The following EXOC6B variants were observed in gnomAD, a reference collection of about 807,000 sequenced individuals.
EXOC6B encodes the protein exocyst complex component 6B.
Under a neutral mutation model 113.5 loss-of-function variants are expected in EXOC6B, and 54 were observed. The ratio of observed to expected loss-of-function variants is 0.48; its 90% CI spans 0.38 to 0.60. The LOEUF (loss-of-function observed/expected upper bound fraction) is 0.60. Among genes scored for constraint, EXOC6B ranks in the 20% least tolerant of loss-of-function variants. The probability of loss-of-function intolerance (pLI) is 0.00; values close to 1 mark genes in which losing one functional copy is unlikely to be tolerated. For missense variants in EXOC6B, 797 were observed against 977.5 expected (o/e 0.82, Z 2.46); for synonymous variants, 357 against 339.0 (o/e 1.05, Z -0.58).
chr2:72,655,749 C>G (rs371968822), intron 6 of EXOC6B, among the ~76,000 whole-genome samples: 1 of 152,016 alleles, frequency 6.6e-6, no homozygotes, highest in Non-Finnish European at 1.5e-5. Flanking sequence ...ACCAAAATTA[C>G]AAATTGCACT....
At chr2:72,808,447 A>G (rs1213296548) in intron 1 of EXOC6B, among the ~76,000 whole-genome samples, 3 of 152,130 alleles carry the variant, frequency 2.0e-5, no homozygotes, top group Admixed American at 2.0e-4. Context: ...CACAAACTAT[A>G]CTAAAAAGTA....
At chr2:72,494,448 A>G (rs1699926939) in intron 15 of EXOC6B, among the ~76,000 whole-genome samples, 1 of 152,132 alleles carries the variant, frequency 6.6e-6, no homozygotes, top group Non-Finnish European at 1.5e-5. Context: ...TTCAGAGAAA[A>G]TGACAAATTA....
At position 72,526,553 on chromosome 2, in the gene EXOC6B, C is replaced by A. The variant is rs998357465; in HGVS notation, c.916-11427G>T. Among the ~76,000 whole-genome samples the A allele has an allele frequency of 4.0e-5, 6 of 151,886 alleles. No individual in the cohort carries two copies. The South Asian group carries it at 1.2e-3, about 31-fold the overall frequency. The stretch of plus-strand genomic sequence containing the variant: ...CTACACATACACACACAAAAATAGC[C>A]TTTTGTATAGTTAAGTGAGGGTTGG... On this transcript the variant is annotated intron_variant, in intron 8 of 21. Coordinates refer to ENST00000272427, the MANE Select transcript of EXOC6B (RefSeq NM_015189.3).
At chr2:72,592,538 C>T (rs916334707) in intron 6 of EXOC6B, among the ~76,000 whole-genome samples, 2 of 152,122 alleles carry the variant, frequency 1.3e-5, no homozygotes, top group Non-Finnish European at 2.9e-5. Context: ...TAATACTGTC[C>T]ACTGGTGTCT....
At chr2:72,770,321 C>T in intron 1 of EXOC6B, among the ~76,000 whole-genome samples, 1 of 151,972 alleles carries the variant, frequency 6.6e-6, no homozygotes, top group East Asian at 1.9e-4. Flanking sequence ...ATACCAGTAA[C>T]TGTGAGCCAA....
intron 6 of EXOC6B, among the ~76,000 whole-genome samples, chr2:72,619,736 AG>A (rs1453173616): frequency 2.0e-5 from 3 of 152,204 alleles, no homozygotes. Flanking sequence ...AGGGTAAGTG[AG>A]GGAACTGAGG....
chr2:72,534,378 G>A (rs1208545201), intron 8 of EXOC6B, among the ~76,000 whole-genome samples: 1 of 152,016 alleles, frequency 6.6e-6, no homozygotes, highest in East Asian at 1.9e-4. Context: ...GGCCACAGGG[G>A]ATAAGTACTT....
intron 8 of EXOC6B, among the ~76,000 whole-genome samples, chr2:72,558,845 A>G (rs1453253151): frequency 6.6e-6 from 1 of 152,158 alleles, no homozygotes; most frequent in Non-Finnish European, 1.5e-5. Context: ...ATACTTGAAC[A>G]TATTAAAAAC....
chr2:72,412,264 G>T (rs1170435457), intron 18 of EXOC6B, among the ~76,000 whole-genome samples: 1 of 152,178 alleles, frequency 6.6e-6, no homozygotes, highest in African/African-American at 2.4e-5. Flanking sequence ...ATCTGTTATA[G>T]GCTGAAGGAA....
chr2:72,483,468 GA>G lies in EXOC6B; in HGVS notation c.1666-2719del, dbSNP rs1051062954. On this transcript the variant is annotated intron_variant, in intron 16 of 21. Transcript: ENST00000272427. ...GTTTTACATGATATTGGCAGTTAAA[GA>G]AAAAAAAGGGAGGTGGCTTCACTGG... Among the ~76,000 whole-genome samples the G allele has an allele frequency of 4.6e-5, 7 of 151,788 alleles. No homozygotes were observed. In the East Asian group the frequency reaches 5.8e-4, roughly 13 times the overall value.
intron 1 of EXOC6B, among the ~76,000 whole-genome samples, chr2:72,763,378 T>C (rs1235121860): frequency 1.3e-5 from 2 of 152,120 alleles, no homozygotes; most frequent in Non-Finnish European, 2.9e-5. Context: ...TTGAGCTTCT[T>C]GAATTTCCAT....
chr2:72,349,325 C>G (rs534567417), intron 19 of EXOC6B, among the ~76,000 whole-genome samples: 3 of 152,186 alleles, frequency 2.0e-5, no homozygotes, highest in African/African-American at 7.2e-5. Flanking sequence ...ATAACGAGCT[C>G]CTTTTGGCAA....
At chr2:72,761,896 T>C (rs1682760787) in intron 1 of EXOC6B, among the ~76,000 whole-genome samples, 1 of 151,946 alleles carries the variant, frequency 6.6e-6, no homozygotes, top group Admixed American at 6.6e-5. Flanking sequence ...AAGGTTCTCT[T>C]GAGCCCAGGA....
At chr2:72,605,338 A>T (rs1237637939) in intron 6 of EXOC6B, among the ~76,000 whole-genome samples, 1 of 151,968 alleles carries the variant, frequency 6.6e-6, no homozygotes, top group Non-Finnish European at 1.5e-5. Flanking sequence ...TACAGAGTGG[A>T]ATACTAAAGT....
chr2:72,747,667 G>A (rs1296727065), intron 1 of EXOC6B, among the ~76,000 whole-genome samples: 1 of 151,768 alleles, frequency 6.6e-6, no homozygotes, highest in East Asian at 1.9e-4. Flanking sequence ...GCAAATCAAA[G>A]AAACAACCAA....
intron 19 of EXOC6B, among the ~76,000 whole-genome samples, chr2:72,353,995 C>T (rs779659314): frequency 2.0e-4 from 30 of 152,254 alleles, no homozygotes; most frequent in East Asian, 3.9e-4. Flanking sequence ...CAGCAAGCTT[C>T]GGATCACAAC....
intron 20 of EXOC6B, among the ~76,000 whole-genome samples, chr2:72,194,768 T>A (rs1679066620): frequency 6.6e-6 from 1 of 152,160 alleles, no homozygotes; most frequent in South Asian, 2.1e-4. Context: ...CCATAGGCTA[T>A]GGAACTGTGG....
intron 8 of EXOC6B, among the ~76,000 whole-genome samples, chr2:72,524,150 T>TAAA (rs372964134): frequency 1.5e-4 from 17 of 116,736 alleles, no homozygotes; most frequent in African/African-American, 2.7e-4. Flanking sequence ...ATACAGAGTT[T>TAAA]AAAAAAAAAA....
chr2:72,513,917 T>C (rs1263576660), intron 10 of EXOC6B, among the ~76,000 whole-genome samples: 1 of 152,128 alleles, frequency 6.6e-6, no homozygotes, highest in Non-Finnish European at 1.5e-5. Context: ...AACTACTAAT[T>C]ACATTGAAAC....
Sources: gnomAD v4.1 joint callset for allele counts (sites outside exome capture counted in the v4.1 genomes callset) on GRCh38, gnomAD v4.1.1 for gene constraint, MANE v1.5 for transcripts, NCBI Gene and HGNC (gene_info 2026-07-23, HGNC 2026-07-21) for gene names.